Variants in PTPRB observed in about 807,000 individuals in gnomAD.
The protein encoded by PTPRB is receptor-type tyrosine-protein phosphatase beta.
In PTPRB, 97 loss-of-function variants were observed where a neutral mutation model predicts 238.1. The observed-to-expected ratio is 0.41, with a 90% CI of 0.35 to 0.48. PTPRB has a LOEUF of 0.48. Ranked by LOEUF, PTPRB falls within the 20% of genes least tolerant of loss-of-function variation. The pLI, the probability that PTPRB is intolerant of heterozygous loss-of-function variation, is 0.30. For missense variants in PTPRB, 2,292 were observed against 2,681.9 expected (o/e 0.85, Z 3.21); for synonymous variants, 970 against 995.4 (o/e 0.97, Z 0.48).
Position 70,520,154 on chromosome 12 carries a change from G to GT in PTPRB, c.*1334dup, listed in dbSNP as rs1035952585. ...AAACATCTCCAGCTCATCTTCTCAGGTATCTATGAAGATTCCGTACAAACT... is the reference window on the plus strand; with the variant it reads ...AAACATCTCCAGCTCATCTTCTCAGGTTATCTATGAAGATTCCGTACAAACT... On this transcript the variant is annotated 3_prime_UTR_variant, in exon 34 of 34. Transcript: ENST00000334414. The GT allele has an allele frequency of 2.2e-5, 10 of 450,782 alleles. No individual in the cohort carries two copies. Among genetic ancestry groups the GT allele is most frequent in the African/African-American group, 4.0e-5 (2 of 49,986 alleles). 27.9% of individuals were successfully genotyped at this position (450,782 alleles called of 1,614,324 possible). A position where few individuals can be genotyped will look rare whatever the true frequency, so the allele number is the denominator to read the frequency against.
At chr12:70,523,777 C>CT (rs1042088708) in intron 33 of PTPRB, among the ~76,000 whole-genome samples, 2 of 151,816 alleles carry the variant, frequency 1.3e-5, no homozygotes, top group Non-Finnish European at 2.9e-5. Context: ...GAATCTTTTT[C>CT]TTTTTTCTCT....
chr12:70,575,238 C>T (rs1880549434), intron 11 of PTPRB, among the ~76,000 whole-genome samples: 1 of 152,188 alleles, frequency 6.6e-6, no homozygotes, highest in Admixed American at 6.5e-5. Flanking sequence ...AAGCCACACT[C>T]CTTCTCTGGG....
chr12:70,567,442 T>A (rs1879450385), intron 14 of PTPRB, among the ~76,000 whole-genome samples: 1 of 152,232 alleles, frequency 6.6e-6, no homozygotes, highest in East Asian at 1.9e-4. Context: ...TCTCATTGTT[T>A]TTTTGTTTCT....
intron 3 of PTPRB, among the ~76,000 whole-genome samples, chr12:70,614,581 C>A (rs1377810507): frequency 6.6e-6 from 1 of 152,020 alleles, no homozygotes; most frequent in African/African-American, 2.4e-5. Context: ...AAAAAATTAA[C>A]TGTGAATACT....
rs149472863 is a variant in PTPRB at position 70,602,777 on chromosome 12, A to G, written c.979+6292T>C. On this transcript the variant is annotated intron_variant, in intron 4 of 33. Coordinates refer to ENST00000334414, the MANE Select transcript of PTPRB (RefSeq NM_001109754.4). ...ACTATCCTTTTTTACCCTTTTAGGT[A>G]CTGAGTTTTTCCATATAAAAGGAAG... Among the ~76,000 whole-genome samples, 629 of 152,320 alleles carry G rather than the reference A, an allele frequency of 4.1e-3. 5 individuals are homozygous for G. The highest frequency in any genetic ancestry group is 0.015 in the African/African-American group (608 of 41,574).
chr12:70,524,876 T>C (rs1872139003), intron 32 of PTPRB, among the ~76,000 whole-genome samples: 1 of 142,646 alleles, frequency 7.0e-6, no homozygotes, highest in Admixed American at 7.3e-5. Flanking sequence ...TATATATGTG[T>C]GTATATATGT....
chr12:70,637,232 G>T, intron 1 of PTPRB, 109 bp downstream of exon 1: 1 of 940,800 alleles, frequency 1.1e-6, no homozygotes, highest in Non-Finnish European at 1.6e-6. Flanking sequence ...TGGCTAAACT[G>T]CCATGGAGAC....
At chr12:70,632,536 C>A (rs1885502668) in intron 2 of PTPRB, among the ~76,000 whole-genome samples, 1 of 151,106 alleles carries the variant, frequency 6.6e-6, no homozygotes, top group African/African-American at 2.4e-5. Flanking sequence ...ATGTAACAAA[C>A]CTGCACATTG....
At chr12:70,539,141 C>G in intron 26 of PTPRB, 127 bp from the exon 27 acceptor site, 1 of 757,130 alleles carries the variant, frequency 1.3e-6, no homozygotes, top group Non-Finnish European at 2.2e-6. Context: ...ATGCCTAGTA[C>G]TCAACATGCA....
At chr12:70,522,206 T>G (rs1871729612) in intron 33 of PTPRB, among the ~76,000 whole-genome samples, 1 of 152,100 alleles carries the variant, frequency 6.6e-6, no homozygotes, top group South Asian at 2.1e-4. Context: ...TCATTTAGAA[T>G]GGAGATAAGA....
chr12:70,559,127 C>A (rs867014405), intron 18 of PTPRB: 2 of 612,052 alleles, frequency 3.3e-6, no homozygotes, highest in Non-Finnish European at 5.8e-6. Flanking sequence ...TACGTCCTAC[C>A]TAATTGTAAG....
At chr12:70,549,622 T>C (rs1476757286) in intron 21 of PTPRB, among the ~76,000 whole-genome samples, 1 of 152,156 alleles carries the variant, frequency 6.6e-6, no homozygotes, top group Non-Finnish European at 1.5e-5. Context: ...GAAAAAAGGA[T>C]GCCTAACAAC....
intron 6 of PTPRB, among the ~76,000 whole-genome samples, chr12:70,593,197 T>C (rs187956033): frequency 1.9e-4 from 29 of 152,258 alleles, no homozygotes; most frequent in Non-Finnish European, 4.1e-4. Context: ...CTTTCTAGAA[T>C]ATAAATTAAT....
intron 3 of PTPRB, among the ~76,000 whole-genome samples, chr12:70,622,039 T>C (rs1884961746): frequency 6.6e-6 from 1 of 152,236 alleles, no homozygotes; most frequent in Non-Finnish European, 1.5e-5. Flanking sequence ...TAAATGATTA[T>C]GACATATACT....
At chr12:70,540,743 A>G (rs1874946066) in intron 23 of PTPRB, 115 bp downstream of exon 23, 3 of 782,102 alleles carry the variant, frequency 3.8e-6, no homozygotes, top group Non-Finnish European at 4.1e-6. Context: ...AAACAGTGAC[A>G]ATTTAACCTG....
Position 70,606,978 on chromosome 12 carries a change from G to T in PTPRB, c.979+2091C>A, listed in dbSNP as rs1180999552. On this transcript the variant is annotated intron_variant, in intron 4 of 33. Coordinates refer to ENST00000334414, the MANE Select transcript of PTPRB (RefSeq NM_001109754.4). The stretch of plus-strand genomic sequence containing the variant: ...TAATATTTGTAGACAAGTAAAGTGT[G>T]TCTCTTTAAGAAAAATGGTGAGAAC... Among the ~76,000 whole-genome samples the T allele has an allele frequency of 2.6e-5, 4 of 152,180 alleles. No individual in the cohort carries two copies. The East Asian group carries it at 5.8e-4, about 22-fold the overall frequency.
chr12:70,602,736 C>T (rs1432841218), intron 4 of PTPRB, among the ~76,000 whole-genome samples: 1 of 152,258 alleles, frequency 6.6e-6, no homozygotes, highest in East Asian at 1.9e-4. Flanking sequence ...GTGATGAGTA[C>T]ATGGTAGTTC....
intron 4 of PTPRB, among the ~76,000 whole-genome samples, chr12:70,603,367 G>C (rs535707895): frequency 5.5e-4 from 84 of 152,238 alleles, no homozygotes; most frequent in Non-Finnish European, 8.2e-4. Flanking sequence ...TTCTATTTTT[G>C]TGTATGCTAA....
Position 70,538,419 on chromosome 12 carries a change from T to A in PTPRB, c.5870-188A>T. On this transcript the variant is annotated intron_variant, in intron 27 of 33. Transcript: ENST00000334414. ...TGTTGCATAGGTGGCCTATAACCAGTCAGACACAGGAGACAACATGAAGCC... is the reference window on the plus strand; with the variant it reads ...TGTTGCATAGGTGGCCTATAACCAGACAGACACAGGAGACAACATGAAGCC... 3 of 548,472 alleles carry A rather than the reference T, an allele frequency of 5.5e-6. No homozygotes were observed. The South Asian group carries it at 7.7e-5, about 14-fold the overall frequency. The allele number at this position is 548,472 out of a possible 1,614,324, so 34.0% of individuals were successfully genotyped here. A position where few individuals can be genotyped will look rare whatever the true frequency, so the allele number is the denominator to read the frequency against.
Sources: allele counts gnomAD v4.1 joint callset (sites outside exome capture counted in the v4.1 genomes callset), GRCh38; gene constraint gnomAD v4.1.1; transcripts MANE v1.5; gene names NCBI Gene and HGNC (gene_info 2026-07-23, HGNC 2026-07-21).